EPS8L2: variants seen among roughly 807,000 people sequenced by gnomAD.
The protein encoded by EPS8L2 is EPS8 signaling adaptor L2, also known as epidermal growth factor receptor kinase substrate 8-like protein 2.
In EPS8L2, 81 loss-of-function variants were observed where a neutral mutation model predicts 99.4. The ratio of observed to expected loss-of-function variants is 0.82; its 90% CI spans 0.68 to 0.98. The LOEUF (loss-of-function observed/expected upper bound fraction) is 0.98, where lower values mean the gene tolerates loss of function less well. Among genes scored for constraint, EPS8L2 ranks in the 50% least tolerant of loss-of-function variants. The pLI, the probability that EPS8L2 is intolerant of heterozygous loss-of-function variation, is 0.00. For synonymous variants in EPS8L2, 509 were observed against 407.3 expected (o/e 1.25, Z -3.01); for missense variants, 1,155 against 968.8 (o/e 1.19, Z -2.55).
intron 5 of EPS8L2, 61 bp downstream of exon 5, chr11:720,284 G>T: frequency 5.8e-6 from 9 of 1,554,860 alleles, no homozygotes; most frequent in Non-Finnish European, 7.9e-6. Context: ...GCAGCCACCG[G>T]CTGCAGCCCG....
intron 3 of EPS8L2, 174 bp downstream of exon 3, chr11:709,782 G>A: frequency 1.5e-6 from 1 of 665,628 alleles, no homozygotes; most frequent in South Asian, 1.8e-5. Flanking sequence ...CTGGCCACTG[G>A]ATCCCCTCCC....
At chr11:721,240 C>G in intron 8 of EPS8L2, 34 bp downstream of exon 8, 1 of 1,537,428 alleles carries the variant, frequency 6.5e-7, no homozygotes, top group South Asian at 1.2e-5. Flanking sequence ...CTCCACAGGG[C>G]TCGTTGTGGG....
chr11:716,152 G>GTT (rs755449453), intron 4 of EPS8L2, among the ~76,000 whole-genome samples: 7 of 121,194 alleles, frequency 5.8e-5, no homozygotes, highest in Admixed American at 8.2e-5. Context: ...TTTGTGTGGG[G>GTT]TTTTTTTTTT....
In EPS8L2 at chr11:726,400, G is replaced by C; in HGVS notation, c.1850G>C (p.Ser617Thr). 6.2e-7 allele frequency: 1 copy of C among 1,607,528 alleles called. No homozygotes were observed. Among genetic ancestry groups the C allele is most frequent in the Non-Finnish European group, 8.5e-7 (1 of 1,178,136 alleles). Residue 617 changes from serine (S) to threonine (T), a missense_variant, in exon 19 of 21, where the codon AGC becomes ACC. Physicochemically the swap from Ser to Thr is moderately conservative, Grantham distance 58. Coordinates refer to ENST00000318562, the MANE Select transcript of EPS8L2 (RefSeq NM_022772.4). ...CAGAGGCACTTCCGCGTGGAGCGCA[G>C]CCAGCCCGTGAGCCAGCCGCTCACC... The part of the protein sequence containing the change: ...QPQRHFRVER[S>T]QPVSQPLTYE...
chr11:711,475 A>G (rs1861889378), intron 4 of EPS8L2, among the ~76,000 whole-genome samples: 1 of 151,896 alleles, frequency 6.6e-6, no homozygotes, highest in African/African-American at 2.4e-5. Flanking sequence ...CCTCCCCAGT[A>G]GCTGGGCCTA....
intron 4 of EPS8L2, among the ~76,000 whole-genome samples, chr11:711,360 C>A (rs1342118313): frequency 6.6e-6 from 1 of 151,444 alleles, no homozygotes; most frequent in Non-Finnish European, 1.5e-5. Flanking sequence ...CATTTTGAGA[C>A]AGGGTCTAGC....
At chr11:718,960 G>A (rs1280831824) in intron 4 of EPS8L2, among the ~76,000 whole-genome samples, 11 of 146,574 alleles carry the variant, frequency 7.5e-5, no homozygotes, top group Non-Finnish European at 1.2e-4. Context: ...GAGCCACTGC[G>A]CCCGATCTTT....
Position 710,152 on chromosome 11 carries a change from C to T in EPS8L2, c.101-270C>T, listed in dbSNP as rs561444006. ...CCCTCACCCTCCGGGACAGAAACCC[C>T]CCGGGCACAGGCTGCTGGTCCCCAC... On this transcript the variant is annotated intron_variant, in intron 3 of 20. Transcript: ENST00000318562. 6 of 469,314 alleles carry T rather than the reference C, an allele frequency of 1.3e-5. No individual in the cohort carries two copies. The South Asian group carries it at 1.4e-4, about 11-fold the overall frequency. 29.1% of individuals were successfully genotyped at this position (469,314 alleles called of 1,614,324 possible). A position where few individuals can be genotyped will look rare whatever the true frequency, so the allele number is the denominator to read the frequency against.
chr11:709,283 C>A, intron 1 of EPS8L2, 47 bp from the exon 2 acceptor site: 2 of 1,207,272 alleles, frequency 1.7e-6, no homozygotes, highest in Non-Finnish European at 2.3e-6. Context: ...AGGGGAGGAA[C>A]CAGCCAGGCC....
chr11:718,728 GCA>G, intron 4 of EPS8L2, among the ~76,000 whole-genome samples: 1 of 151,216 alleles, frequency 6.6e-6, no homozygotes, highest in East Asian at 1.9e-4. Flanking sequence ...GAGTGCAGTG[GCA>G]CGATCTTGAT....
At position 725,780 on chromosome 11, in the gene EPS8L2, CG is replaced by C; in HGVS notation, c.1617del (p.Tyr540ThrfsTer7). 1 of 1,364,988 alleles carries C rather than the reference CG, an allele frequency of 7.3e-7. No individual in the cohort carries two copies. The highest frequency in any genetic ancestry group is 3.3e-5 in the Admixed American group (1 of 29,886). 84.6% of individuals were successfully genotyped at this position (1,364,988 alleles called of 1,614,324 possible). On this transcript the variant is annotated frameshift_variant, in exon 17 of 21. Coordinates refer to ENST00000318562, the MANE Select transcript of EPS8L2 (RefSeq NM_022772.4). LOFTEE classifies it high-confidence loss of function. Reference protein sequence around the residue: ...WWKLRSRSGQAGYVPCNILGE... With the variant: ...WWKLRSRSGQXGYVPCNILGE... Reference sequence around the variant, plus strand: ...AAGCTGCGCAGCCGCAGCGGCCAGGCGGGGTACGTGCCCTGCAACATCCTAG... The same window carrying C: ...AAGCTGCGCAGCCGCAGCGGCCAGGCGGGTACGTGCCCTGCAACATCCTAG...
At position 722,201 on chromosome 11, in the gene EPS8L2, G is replaced by A. The variant is rs1222916949; in HGVS notation, c.1059+36G>A. On this transcript the variant is annotated intron_variant, in intron 12 of 20. Coordinates refer to ENST00000318562, the MANE Select transcript of EPS8L2 (RefSeq NM_022772.4). ...CCGGGCGGCAGGGGCGCGCAGGGTG[G>A]GGGCCCAGAGGCCTCTGCAGCATCT... The A allele has an allele frequency of 1.9e-6, 3 of 1,599,774 alleles. No individual in the cohort carries two copies. The Admixed American group carries it at 5.1e-5, about 27-fold the overall frequency.
rs777229058 is a variant in EPS8L2, at chr11:726,737, A to C, written c.2053A>C (p.Lys685Gln). The change falls in exon 20 of 21, where the codon AAG becomes CAG. Residue 685 changes from lysine to glutamine, a missense_variant. By Grantham distance (53) the Lys-to-Gln change is moderately conservative. Transcript: ENST00000318562. The part of the protein sequence containing the change: ...VRVYSQLTMQ[K>Q]AFLEKQQSGS... ...CGTGTACAGCCAGCTCACCATGCAG[A>C]AGGCCTTCCTGGAGGTGAGCCCGCC... is the stretch of plus-strand genomic sequence containing the variant. The C allele has an allele frequency of 2.5e-6, 4 of 1,594,660 alleles. No individual in the cohort carries two copies. In the East Asian group the frequency reaches 9.0e-5, roughly 36 times the overall value.
chr11:722,400 G>A lies in EPS8L2; in HGVS notation c.1060-1G>A. The A allele has an allele frequency of 1.2e-6, 2 of 1,612,674 alleles. No homozygotes were observed. Among genetic ancestry groups the A allele is most frequent in the East Asian group, 2.2e-5 (1 of 44,870 alleles). The stretch of plus-strand genomic sequence containing the variant: ...CCCCTCTGAACCTCACTGTGCCCCA[G>A]ATCGTCAACACCTGCAGTGGCCCAG... On this transcript the variant is annotated splice_acceptor_variant, in intron 12 of 20. Transcript: ENST00000318562. LOFTEE classifies it high-confidence loss of function.
chr11:726,557 G>T, intron 19 of EPS8L2, 62 bp from the exon 20 acceptor site: 2 of 1,509,426 alleles, frequency 1.3e-6, no homozygotes, highest in Non-Finnish European at 1.8e-6. Context: ...CGCAGCTGTC[G>T]GGGCGGGCGC....
chr11:711,501 A>C (rs983514715), intron 4 of EPS8L2, among the ~76,000 whole-genome samples: 1 of 151,722 alleles, frequency 6.6e-6, no homozygotes, highest in African/African-American at 2.4e-5. Context: ...TGGCCCCACC[A>C]TGCCCATCTA....
chr11:720,563 G>C (rs1355759286), intron 5 of EPS8L2, 34 bp from the exon 6 acceptor site: 1 of 1,581,546 alleles, frequency 6.3e-7, no homozygotes, highest in African/African-American at 1.3e-5. Context: ...CCCAGACCCC[G>C]GGTGCGAGTC....
chr11:721,256 C>T, intron 8 of EPS8L2, 29 bp from the exon 9 acceptor site: 1 of 1,537,430 alleles, frequency 6.5e-7, no homozygotes, highest in Admixed American at 2.0e-5. Flanking sequence ...GTGGGGGGCT[C>T]GGTGAGCAGC....
At position 709,339 on chromosome 11, in the gene EPS8L2, A is replaced by G. The variant is rs1861820860; in HGVS notation, c.-69A>G. ...CCTTCTGTCCACCCAGGTGTGGGAC[A>G]GGCACTGGCCTCAGACCGGGGCCAC... On this transcript the variant is annotated 5_prime_UTR_variant, in exon 2 of 21. Transcript: ENST00000318562. 1 of 1,513,480 alleles carries G rather than the reference A, an allele frequency of 6.6e-7. No homozygotes were observed. The highest frequency in any genetic ancestry group is 1.2e-5 in the South Asian group (1 of 83,242). The allele number at this position is 1,513,480 out of a possible 1,614,324, so 93.8% of individuals were successfully genotyped here. A position where few individuals can be genotyped will look rare whatever the true frequency, so the allele number is the denominator to read the frequency against.
Sources: gnomAD v4.1 joint callset for allele counts (sites outside exome capture counted in the v4.1 genomes callset) on GRCh38, gnomAD v4.1.1 for gene constraint, MANE v1.5 for transcripts, NCBI Gene and HGNC (gene_info 2026-07-23, HGNC 2026-07-21) for gene names.